The following TTC4 variants were observed in gnomAD, a reference collection of about 807,000 sequenced individuals.
TTC4 encodes hsp70/Hsp90 co-chaperone CNS1 homolog.
TTC4 carries 36 observed loss-of-function variants against 51.9 expected under a neutral mutation model. The ratio of observed to expected loss-of-function variants is 0.69; its 90% CI spans 0.53 to 0.92. The LOEUF is 0.92. TTC4 is among the 40% of genes least tolerant of loss of function. The pLI is 0.00. For synonymous variants in TTC4, 144 were observed against 164.2 expected (o/e 0.88, Z 0.94); for missense variants, 399 against 454.6 (o/e 0.88, Z 1.11).
rs1026013209 is a variant in TTC4 at position 54,737,489 on chromosome 1, C to T, written c.979-93C>T. The T allele has an allele frequency of 3.1e-5, 36 of 1,152,918 alleles. No individual in the cohort carries two copies. The East Asian group carries it at 5.4e-4, about 17-fold the overall frequency. 71.4% of individuals were successfully genotyped at this position (1,152,918 alleles called of 1,614,324 possible). A position where few individuals can be genotyped will look rare whatever the true frequency, so the allele number is the denominator to read the frequency against. On this transcript the variant is annotated intron_variant, in intron 8 of 9. Transcript: ENST00000371281. ...ATAAAGGAGGCATTCAACTACTAACCGTTGCCATCTTTTTAATTTTCCCTG... is the reference window on the plus strand; with the variant it reads ...ATAAAGGAGGCATTCAACTACTAACTGTTGCCATCTTTTTAATTTTCCCTG...
intron 7 of TTC4, among the ~76,000 whole-genome samples, chr1:54,732,622 G>T (rs545653607): frequency 1.4e-4 from 21 of 151,654 alleles, no homozygotes; most frequent in Admixed American, 3.9e-4. Context: ...CCACATCTGG[G>T]TAATTTTTTA....
Position 54,741,549 on chromosome 1 carries a change from C to A in TTC4, c.*36C>A, listed in dbSNP as rs200376441. 9.6e-5 allele frequency: 149 copies of A among 1,550,354 alleles called. No individual in the cohort carries two copies. Among genetic ancestry groups the A allele is most frequent in the Non-Finnish European group, 1.3e-4 (142 of 1,122,766 alleles). ...GCCCCTGGATCTCCTCCCTTACCCT[C>A]CTCTGCTGGGAACCTAGCACACCTG... is the stretch of plus-strand genomic sequence containing the variant. On this transcript the variant is annotated 3_prime_UTR_variant, in exon 10 of 10. Coordinates refer to ENST00000371281, the MANE Select transcript of TTC4 (RefSeq NM_004623.5).
At chr1:54,736,205 AG>A (rs1645933833) in intron 8 of TTC4, among the ~76,000 whole-genome samples, 1 of 136,668 alleles carries the variant, frequency 7.3e-6, no homozygotes, top group African/African-American at 3.1e-5. Context: ...AGAGAGAGAG[AG>A]AGAGAGAGAG....
At chr1:54,739,092 G>A (rs550704323) in intron 9 of TTC4, among the ~76,000 whole-genome samples, 11 of 150,904 alleles carry the variant, frequency 7.3e-5, no homozygotes, top group African/African-American at 2.7e-4. Flanking sequence ...GGCTGGTCTT[G>A]AACTCCTGGG....
Position 54,733,746 on chromosome 1 carries a change from AATTTTTTTTTTT to A in TTC4, c.978+37_978+48del, listed in dbSNP as rs750798952. 1.1e-3 allele frequency: 1,210 copies of A among 1,078,502 alleles called. 10 individuals are homozygous for A. The highest frequency in any genetic ancestry group is 6.1e-3 in the African/African-American group (347 of 57,280). The allele number at this position is 1,078,502 out of a possible 1,614,324, so 66.8% of individuals were successfully genotyped here. ...TTTTATTTCGTTCCTCTATGGAATT[AATTTTTTTTTTT>A]TTTTTTTTTTTTTTTGCGGCGGGGG... On this transcript the variant is annotated intron_variant, in intron 8 of 9. Transcript: ENST00000371281.
chr1:54,730,555 G>A (rs181728495), intron 6 of TTC4, among the ~76,000 whole-genome samples: 1 of 152,198 alleles, frequency 6.6e-6, no homozygotes, highest in East Asian at 1.9e-4. Context: ...CATATCTAAT[G>A]CTTTAAGAAA....
Position 54,716,010 on chromosome 1 carries a change from G to C in TTC4, c.102G>C (p.Gln34His), listed in dbSNP as rs776956159. ...QPYRGGFHEDQWEKEFEKVPL... is the reference protein window; with the variant it reads ...QPYRGGFHEDHWEKEFEKVPL... ...ACCGTGGCGGCTTTCATGAGGACCA[G>C]TGGGAGAAGGTGGGCGGTCCTGGGG... The change falls in exon 1 of 10, where the codon CAG (glutamine) becomes CAC (histidine). Residue 34 changes from glutamine to histidine, a missense_variant. Gln to His is a conservative substitution (Grantham distance 24). Coordinates refer to ENST00000371281, the MANE Select transcript of TTC4 (RefSeq NM_004623.5). The C allele has an allele frequency of 1.3e-5, 20 of 1,583,336 alleles. No homozygotes were observed. Among genetic ancestry groups the C allele is most frequent in the Non-Finnish European group, 1.5e-5 (17 of 1,165,450 alleles).
intron 9 of TTC4, among the ~76,000 whole-genome samples, chr1:54,738,694 G>A (rs1483781577): frequency 7.0e-6 from 1 of 142,232 alleles, no homozygotes; most frequent in Non-Finnish European, 1.5e-5. Flanking sequence ...ATCTCGCTCT[G>A]TCACCCAGGC....
chr1:54,741,231 G>C (rs77811393), intron 9 of TTC4, among the ~76,000 whole-genome samples, 180 bp from the exon 10 acceptor site: 1 of 152,230 alleles, frequency 6.6e-6, no homozygotes, highest in Non-Finnish European at 1.5e-5. Flanking sequence ...TGGCTAGGTT[G>C]TAAGGATGAG....
intron 3 of TTC4, among the ~76,000 whole-genome samples, chr1:54,720,149 A>T (rs1344010848): frequency 2.0e-5 from 3 of 151,992 alleles, no homozygotes; most frequent in African/African-American, 7.2e-5. Flanking sequence ...CAATCCTCTC[A>T]CCTCGGTCTC....
At chr1:54,722,172 G>A (rs1273553950) in intron 4 of TTC4, among the ~76,000 whole-genome samples, 2 of 151,242 alleles carry the variant, frequency 1.3e-5, no homozygotes, top group Non-Finnish European at 2.9e-5. Flanking sequence ...GCTTAAACTG[G>A]TAGCCATAAA....
At chr1:54,718,076 C>T (rs1329001834) in intron 3 of TTC4, among the ~76,000 whole-genome samples, 1 of 152,070 alleles carries the variant, frequency 6.6e-6, no homozygotes, top group African/African-American at 2.4e-5. Flanking sequence ...TTCTGTGGGA[C>T]CTTTGAGTTA....
intron 5 of TTC4, among the ~76,000 whole-genome samples, 159 bp from the exon 6 acceptor site, chr1:54,728,187 A>C (rs935045947): frequency 2.0e-5 from 3 of 152,224 alleles, no homozygotes; most frequent in African/African-American, 7.2e-5. Flanking sequence ...CTAGGCATGT[A>C]CTTTGTAAAT....
rs1036331793 is a variant in TTC4 at position 54,721,244 on chromosome 1, A to G, written c.469+4A>G. ...CACCTCAAAGCAATAATAAGAGGTA[A>G]GTCTTGTGGAACTACAGTATGACAT... On this transcript the variant is annotated splice_donor_region_variant and intron_variant, in intron 4 of 9. Transcript: ENST00000371281. The G allele has an allele frequency of 6.2e-7, 1 of 1,612,704 alleles. No homozygotes were observed. Among genetic ancestry groups the G allele is most frequent in the East Asian group, 2.2e-5 (1 of 44,826 alleles).
chr1:54,733,985 A>G (rs1645903763), intron 8 of TTC4, among the ~76,000 whole-genome samples: 1 of 152,134 alleles, frequency 6.6e-6, no homozygotes, highest in East Asian at 1.9e-4. Context: ...GGAATCATAC[A>G]GTATTTGTCC....
chr1:54,741,264 T>C, intron 9 of TTC4, 147 bp from the exon 10 acceptor site: 2 of 772,786 alleles, frequency 2.6e-6, no homozygotes, highest in East Asian at 2.5e-5. Flanking sequence ...ATTTGCCAGA[T>C]TTATGAACAA....
intron 4 of TTC4, among the ~76,000 whole-genome samples, 167 bp downstream of exon 4, chr1:54,721,407 A>G (rs1185048344): frequency 6.6e-6 from 1 of 152,244 alleles, no homozygotes; most frequent in South Asian, 2.1e-4. Context: ...TTAACCCTTT[A>G]TGTAATAATA....
At chr1:54,733,458 A>G (rs1292803650) in intron 7 of TTC4, among the ~76,000 whole-genome samples, 171 bp from the exon 8 acceptor site, 1 of 151,962 alleles carries the variant, frequency 6.6e-6, no homozygotes, top group Non-Finnish European at 1.5e-5. Context: ...AAATTATGTC[A>G]TAATAGGACA....
chr1:54,720,688 C>T (rs1645733127), intron 3 of TTC4, among the ~76,000 whole-genome samples: 1 of 151,946 alleles, frequency 6.6e-6, no homozygotes, highest in Non-Finnish European at 1.5e-5. Flanking sequence ...GAGTTATCTC[C>T]AGCTTTTCAC....
Sources: gnomAD v4.1 joint callset for allele counts (sites outside exome capture counted in the v4.1 genomes callset) on GRCh38, gnomAD v4.1.1 for gene constraint, MANE v1.5 for transcripts, NCBI Gene and HGNC (gene_info 2026-07-23, HGNC 2026-07-21) for gene names.